MARCHF1: variants seen among roughly 807,000 people sequenced by gnomAD.
MARCHF1 encodes E3 ubiquitin-protein ligase MARCHF1.
A neutral mutation model predicts 54.2 loss-of-function variants in MARCHF1; 40 were observed. That is an observed-to-expected ratio of 0.74 (90% CI 0.57 to 0.96). The LOEUF is 0.96. MARCHF1 is among the 40% of genes least tolerant of loss of function. The probability of loss-of-function intolerance (pLI) is 0.00; values close to 1 mark genes in which losing one functional copy is unlikely to be tolerated. For missense variants in MARCHF1, 586 were observed against 656.5 expected (o/e 0.89, Z 1.17); for synonymous variants, 236 against 236.3 (o/e 1.00, Z 0.01).
intron 2 of MARCHF1, among the ~76,000 whole-genome samples, chr4:164,087,543 C>A (rs367793177): frequency 8.6e-5 from 13 of 151,990 alleles, no homozygotes; most frequent in African/African-American, 3.1e-4. Flanking sequence ...GAGTAGCCAT[C>A]GGTTAGGTTT....
rs115244908 is a variant in MARCHF1 at position 163,839,105 on chromosome 4, T to C, written c.111+14916A>G. On this transcript the variant is annotated intron_variant, in intron 4 of 9. Transcript: ENST00000514618. ...TGAAAGAAGATATATGGATAGCTAA[T>C]AAACACAGGAAAAGATCACCATCAT... Among the ~76,000 whole-genome samples the C allele has an allele frequency of 6.8e-3, 1,035 of 152,062 alleles. 7 individuals are homozygous for C. The highest frequency in any genetic ancestry group is 0.029 in the South Asian group (138 of 4,820).
At chr4:164,220,881 A>C (rs947667851) in intron 1 of MARCHF1, among the ~76,000 whole-genome samples, 30 of 151,368 alleles carry the variant, frequency 2.0e-4, no homozygotes, top group African/African-American at 6.5e-4. Flanking sequence ...TATTTAAAAA[A>C]ACAAAACAGT....
intron 7 of MARCHF1, among the ~76,000 whole-genome samples, chr4:163,591,054 AATT>A (rs1740573980): frequency 6.6e-6 from 1 of 151,358 alleles, no homozygotes; most frequent in South Asian, 2.1e-4. Context: ...ATTAATAATC[AATT>A]ATTTCATATG....
At chr4:163,701,003 C>A in intron 4 of MARCHF1, 140 bp from the exon 5 acceptor site, 1 of 583,108 alleles carries the variant, frequency 1.7e-6, no homozygotes, top group Admixed American at 2.9e-5. Context: ...ATATTAATTG[C>A]TTACACAGAA....
At chr4:163,866,519 T>C (rs1233284853) in intron 3 of MARCHF1, among the ~76,000 whole-genome samples, 3 of 137,726 alleles carry the variant, frequency 2.2e-5, no homozygotes, top group African/African-American at 7.5e-5. Context: ...TATATAATAA[T>C]ATATTATGAA....
intron 1 of MARCHF1, among the ~76,000 whole-genome samples, chr4:164,181,249 C>T: frequency 6.6e-6 from 1 of 152,138 alleles, no homozygotes; most frequent in Non-Finnish European, 1.5e-5. Flanking sequence ...TTAACTCCCA[C>T]TCTCCCTTCA....
chr4:164,145,620 C>T (rs1043971424), intron 1 of MARCHF1, among the ~76,000 whole-genome samples: 1 of 152,158 alleles, frequency 6.6e-6, no homozygotes, highest in African/African-American at 2.4e-5. Context: ...CAAAATTCAA[C>T]AACCTTCATG....
chr4:163,537,841 T>C (rs1291174035), intron 9 of MARCHF1, among the ~76,000 whole-genome samples: 2 of 152,212 alleles, frequency 1.3e-5, no homozygotes, highest in Non-Finnish European at 2.9e-5. Flanking sequence ...GTCTCAATAT[T>C]TTTGTTGATT....
At chr4:163,987,345 A>G (rs1579442574) in intron 3 of MARCHF1, among the ~76,000 whole-genome samples, 1 of 152,220 alleles carries the variant, frequency 6.6e-6, no homozygotes, top group South Asian at 2.1e-4. Flanking sequence ...TTATCTACAA[A>G]TTCTAGCCAC....
intron 1 of MARCHF1, among the ~76,000 whole-genome samples, chr4:164,246,844 AAC>A (rs1553995378): frequency 2.3e-5 from 3 of 129,998 alleles, no homozygotes; most frequent in Non-Finnish European, 4.9e-5. Context: ...GCAGCCAAAA[AAC>A]ACATGAAAAA....
At chr4:163,630,134 A>C (rs1742021198) in intron 5 of MARCHF1, among the ~76,000 whole-genome samples, 1 of 152,262 alleles carries the variant, frequency 6.6e-6, no homozygotes, top group African/African-American at 2.4e-5. Context: ...TGATTCATAC[A>C]TGAATGTTTA....
chr4:163,702,692 C>G (rs1435809065), intron 4 of MARCHF1, among the ~76,000 whole-genome samples: 1 of 152,168 alleles, frequency 6.6e-6, no homozygotes, highest in African/African-American at 2.4e-5. Context: ...TCCACACTCT[C>G]TACCAGCATC....
At chr4:163,797,948 T>C (rs7676104) in intron 4 of MARCHF1, among the ~76,000 whole-genome samples, 132,971 of 152,142 alleles carry the variant, frequency 0.87, 59,296 homozygotes, top group South Asian at 0.98. Flanking sequence ...TCTAAGCTCA[T>C]GTTTCTTAGA....
chr4:164,250,657 C>A (rs1733098595), intron 1 of MARCHF1, among the ~76,000 whole-genome samples: 1 of 151,920 alleles, frequency 6.6e-6, no homozygotes, highest in African/African-American at 2.4e-5. Flanking sequence ...GATAATTGAT[C>A]ATAAATCTCA....
At chr4:164,060,744 A>G (rs900474560) in intron 2 of MARCHF1, among the ~76,000 whole-genome samples, 5 of 152,188 alleles carry the variant, frequency 3.3e-5, no homozygotes, top group African/African-American at 4.8e-5. Context: ...ACTCAATATA[A>G]ATAAAAACTT....
intron 4 of MARCHF1, among the ~76,000 whole-genome samples, chr4:163,803,627 T>C (rs549735291): frequency 8.1e-4 from 124 of 152,324 alleles, no homozygotes; most frequent in African/African-American, 3.0e-3. Context: ...CTTGAGATTA[T>C]GATATTGATA....
At chr4:163,853,935 T>C in intron 4 of MARCHF1, 86 bp downstream of exon 4, 3 of 1,167,816 alleles carry the variant, frequency 2.6e-6, no homozygotes, top group Non-Finnish European at 3.5e-6. Flanking sequence ...AACGATAACA[T>C]TTACTTATAA....
chr4:163,570,329 G>A (rs905325699), intron 8 of MARCHF1, among the ~76,000 whole-genome samples: 3 of 152,016 alleles, frequency 2.0e-5, no homozygotes, highest in Admixed American at 2.0e-4. Context: ...GGATGGGAGA[G>A]ACAATAATAT....
At chr4:163,864,187 CTT>C (rs1171318989) in intron 3 of MARCHF1, among the ~76,000 whole-genome samples, 1 of 151,902 alleles carries the variant, frequency 6.6e-6, no homozygotes, top group East Asian at 1.9e-4. Flanking sequence ...AGAAAAATAA[CTT>C]TATAGTAGAG....
Sources: allele counts gnomAD v4.1 joint callset (sites outside exome capture counted in the v4.1 genomes callset), GRCh38; gene constraint gnomAD v4.1.1; transcripts MANE v1.5; gene names NCBI Gene and HGNC (gene_info 2026-07-23, HGNC 2026-07-21).